The following PTPRD variants were observed in gnomAD, a reference collection of about 807,000 sequenced individuals.
PTPRD encodes the protein receptor-type tyrosine-protein phosphatase delta.
A neutral mutation model predicts 214.5 loss-of-function variants in PTPRD; 34 were observed. The observed-to-expected ratio is 0.16, with a 90% confidence interval of 0.12 to 0.21. The LOEUF is 0.21. Ranked by LOEUF, PTPRD falls within the 10% of genes least tolerant of loss-of-function variation. The pLI, the probability that PTPRD is intolerant of heterozygous loss-of-function variation, is 1.00. For missense variants in PTPRD, 2,545 were observed against 2,398.7 expected (o/e 1.06, Z -1.27); for synonymous variants, 1,128 against 845.7 (o/e 1.33, Z -5.79).
chr9:9,950,462 C>T (rs1316713412), intron 4 of PTPRD, among the ~76,000 whole-genome samples: 1 of 34,632 alleles, frequency 2.9e-5, no homozygotes, highest in Non-Finnish European at 4.1e-5. Flanking sequence ...CGGTGGCTCA[C>T]GCCTGTAATC....
At chr9:9,775,142 C>T (rs2098787079) in intron 5 of PTPRD, among the ~76,000 whole-genome samples, 1 of 152,226 alleles carries the variant, frequency 6.6e-6, no homozygotes, top group African/African-American at 2.4e-5. Context: ...TATCTGTCAC[C>T]CCACAAGTTC....
intron 12 of PTPRD, among the ~76,000 whole-genome samples, chr9:8,693,835 A>T (rs2097856047): frequency 6.6e-6 from 1 of 152,190 alleles, no homozygotes; most frequent in Admixed American, 6.6e-5. Flanking sequence ...AGCCAACAGA[A>T]CAACTTGCGT....
rs777910266 is a variant in PTPRD at position 9,058,442 on chromosome 9, G to GTTTTTTTTTTTTTTTTTT, written c.-142-39725_-142-39708dup. Among the ~76,000 whole-genome samples, 143 of 69,910 alleles carry GTTTTTTTTTTTTTTTTTT rather than the reference G, an allele frequency of 2.0e-3. 37 individuals carry two copies. Among genetic ancestry groups the GTTTTTTTTTTTTTTTTTT allele is most frequent in the Non-Finnish European group, 2.6e-3 (100 of 38,076 alleles). 45.9% of individuals were successfully genotyped at this position (69,910 alleles called of 152,430 possible). On this transcript the variant is annotated intron_variant, in intron 10 of 45. Coordinates refer to ENST00000381196, the MANE Select transcript of PTPRD (RefSeq NM_002839.4). ...TATTGGTGAGAGAAATATTATGAGG[G>GTTTTTTTTTTTTTTTTTT]TTTTTTTTTTTTTTTTTTTTTTTTT...
intron 8 of PTPRD, among the ~76,000 whole-genome samples, chr9:9,451,316 G>A (rs2092113209): frequency 6.6e-6 from 1 of 151,674 alleles, no homozygotes; most frequent in Admixed American, 6.6e-5. Flanking sequence ...CACTTCATCT[G>A]TCTTGATTTT....
At chr9:10,508,052 T>C (rs1017788306) in intron 2 of PTPRD, among the ~76,000 whole-genome samples, 6 of 151,864 alleles carry the variant, frequency 4.0e-5, no homozygotes, top group African/African-American at 1.5e-4. Flanking sequence ...TCTACTTATC[T>C]GACAAAGGGC....
intron 11 of PTPRD, among the ~76,000 whole-genome samples, chr9:8,736,199 A>G (rs1041227741): frequency 6.6e-6 from 1 of 152,180 alleles, no homozygotes; most frequent in Admixed American, 6.5e-5. Context: ...GGAGGCAATG[A>G]CTGGCTCCAA....
intron 11 of PTPRD, among the ~76,000 whole-genome samples, chr9:8,866,029 T>C (rs1401646263): frequency 1.3e-5 from 2 of 152,216 alleles, no homozygotes; most frequent in East Asian, 3.8e-4. Flanking sequence ...TTTTCATTTT[T>C]AACTTGGTAT....
chr9:9,948,844 T>C (rs1262505179), intron 4 of PTPRD, among the ~76,000 whole-genome samples: 1 of 151,996 alleles, frequency 6.6e-6, no homozygotes, highest in East Asian at 1.9e-4. Context: ...GAGACAAATT[T>C]TATGACAATA....
intron 14 of PTPRD, among the ~76,000 whole-genome samples, chr9:8,630,304 TCTC>T (rs1316901032): frequency 5.3e-5 from 8 of 151,764 alleles, no homozygotes; most frequent in African/African-American, 1.2e-4. Flanking sequence ...GAACCTAAAA[TCTC>T]CTCAACTGTG....
At position 10,504,747 on chromosome 9, in the gene PTPRD, A is replaced by C. The variant is rs146462540; in HGVS notation, c.-600+107651T>G. Among the ~76,000 whole-genome samples the C allele has an allele frequency of 4.3e-3, 648 of 152,298 alleles. 4 individuals are homozygous for C. Among genetic ancestry groups the C allele is most frequent in the African/African-American group, 0.015 (624 of 41,548 alleles). Reference sequence around the variant, plus strand: ...ACAGGCATAAAGCTAATTACTAAAGAATTACGTACTAAAATCTGTGTCTTC... The same window carrying C: ...ACAGGCATAAAGCTAATTACTAAAGCATTACGTACTAAAATCTGTGTCTTC... On this transcript the variant is annotated intron_variant, in intron 2 of 45. Coordinates refer to ENST00000381196, the MANE Select transcript of PTPRD (RefSeq NM_002839.4).
At chr9:10,025,947 G>T (rs1000075874) in intron 4 of PTPRD, among the ~76,000 whole-genome samples, 1 of 152,180 alleles carries the variant, frequency 6.6e-6, no homozygotes, top group Non-Finnish European at 1.5e-5. Context: ...GGCATGAACA[G>T]ATCTCAAGAA....
intron 5 of PTPRD, among the ~76,000 whole-genome samples, chr9:9,934,748 C>G (rs1208064193): frequency 6.6e-6 from 1 of 151,780 alleles, no homozygotes; most frequent in African/African-American, 2.4e-5. Flanking sequence ...CATTTTAATA[C>G]CAAAGCCGGG....
At chr9:9,383,579 T>C (rs1279461998) in intron 9 of PTPRD, among the ~76,000 whole-genome samples, 1 of 152,174 alleles carries the variant, frequency 6.6e-6, no homozygotes, top group African/African-American at 2.4e-5. Context: ...ATTATTAAAG[T>C]TAAATGATTT....
At chr9:9,773,865 A>C (rs1174082165) in intron 5 of PTPRD, among the ~76,000 whole-genome samples, 5 of 152,064 alleles carry the variant, frequency 3.3e-5, no homozygotes, top group African/African-American at 1.2e-4. Flanking sequence ...AAAGATAAGC[A>C]CTGTTCTTAG....
intron 9 of PTPRD, among the ~76,000 whole-genome samples, chr9:9,211,117 T>A (rs1303012169): frequency 2.0e-5 from 3 of 151,908 alleles, no homozygotes; most frequent in Admixed American, 1.3e-4. Context: ...TGGAGTACAT[T>A]CTGGCATTTT....
At chr9:9,607,978 T>C (rs2094284719) in intron 7 of PTPRD, among the ~76,000 whole-genome samples, 1 of 152,098 alleles carries the variant, frequency 6.6e-6, no homozygotes, top group Non-Finnish European at 1.5e-5. Context: ...ACAGTCTGGA[T>C]TTGGGAGAGC....
At chr9:10,050,068 C>G (rs556942908) in intron 3 of PTPRD, among the ~76,000 whole-genome samples, 5 of 152,196 alleles carry the variant, frequency 3.3e-5, no homozygotes, top group African/African-American at 9.6e-5. Context: ...TTACCAGCAC[C>G]TGGAATAATA....
intron 10 of PTPRD, among the ~76,000 whole-genome samples, chr9:9,096,375 A>C (rs1287227694): frequency 6.6e-6 from 1 of 152,204 alleles, no homozygotes; most frequent in Non-Finnish European, 1.5e-5. Context: ...AACAAACAAA[A>C]GTCCCCAAGA....
At chr9:9,079,537 T>C (rs984770937) in intron 10 of PTPRD, among the ~76,000 whole-genome samples, 1 of 152,090 alleles carries the variant, frequency 6.6e-6, no homozygotes, top group Non-Finnish European at 1.5e-5. Flanking sequence ...CTGGACAATA[T>C]GTAGTTGCAT....
Sources: allele counts gnomAD v4.1 joint callset (sites outside exome capture counted in the v4.1 genomes callset), GRCh38; gene constraint gnomAD v4.1.1; transcripts MANE v1.5; gene names NCBI Gene and HGNC (gene_info 2026-07-23, HGNC 2026-07-21).